Variants in UFSP2 observed in about 807,000 individuals in gnomAD.
UFSP2 encodes the protein UFM1 specific peptidase 2, also known as ufm1-specific protease 2.
In UFSP2, 43 loss-of-function variants were observed where a neutral mutation model predicts 60.2. That is an observed-to-expected ratio of 0.71 (90% CI 0.56 to 0.92). UFSP2 has a LOEUF of 0.92. Ranked by LOEUF, UFSP2 falls within the 40% of genes least tolerant of loss-of-function variation. The pLI, the probability that UFSP2 is intolerant of heterozygous loss-of-function variation, is 0.00. For synonymous variants in UFSP2, 183 were observed against 195.1 expected, an observed-to-expected ratio of 0.94 and a Z score of 0.52; for missense variants, 520 against 575.0, an observed-to-expected ratio of 0.90 and a Z score of 0.98.
chr4:185,424,233 G>A (rs2095554932), intron 1 of UFSP2, among the ~76,000 whole-genome samples: 1 of 152,044 alleles, frequency 6.6e-6, no homozygotes, highest in Non-Finnish European at 1.5e-5. Context: ...TTGGGCCGGG[G>A]AGGTCAATGC....
At chr4:185,416,021 AAGG>A (rs2095538083) in intron 4 of UFSP2, 154 bp from the exon 5 acceptor site, 1 of 548,874 alleles carries the variant, frequency 1.8e-6, no homozygotes, top group Non-Finnish European at 3.0e-6. Flanking sequence ...AGTAGAGAAC[AAGG>A]AGTTCAATCT....
intron 2 of UFSP2, 52 bp from the exon 3 acceptor site, chr4:185,418,822 G>C: frequency 7.1e-7 from 1 of 1,407,262 alleles, no homozygotes; most frequent in Non-Finnish European, 9.6e-7. Flanking sequence ...TTTTCAACAT[G>C]AATGGTTCCA....
At chr4:185,406,091 T>G in intron 9 of UFSP2, 1 of 721,814 alleles carries the variant, frequency 1.4e-6, no homozygotes, top group Non-Finnish European at 2.1e-6. Context: ...CTAAAAGACC[T>G]TGATTTTCTG....
intron 8 of UFSP2, 47 bp from the exon 9 acceptor site, chr4:185,408,107 T>G (rs2095523516): frequency 6.3e-7 from 1 of 1,595,730 alleles, no homozygotes; most frequent in Non-Finnish European, 8.6e-7. Context: ...AGACAGCTAT[T>G]AAAAACGATG....
At chr4:185,425,695 G>A (rs562335112) in intron 1 of UFSP2, among the ~76,000 whole-genome samples, 171 bp downstream of exon 1, 2 of 152,080 alleles carry the variant, frequency 1.3e-5, no homozygotes, top group East Asian at 3.9e-4. Flanking sequence ...CTTTCCCCCC[G>A]GCCCAGCGCG....
intron 1 of UFSP2, 100 bp downstream of exon 1, chr4:185,425,766 C>T: frequency 2.0e-6 from 3 of 1,531,884 alleles, no homozygotes; most frequent in Non-Finnish European, 2.7e-6. Context: ...TCTTGGACCC[C>T]GGCAGGACCA....
intron 10 of UFSP2, among the ~76,000 whole-genome samples, chr4:185,403,952 C>T (rs2095516404): frequency 8.7e-6 from 1 of 114,598 alleles, no homozygotes; most frequent in Non-Finnish European, 1.7e-5. Flanking sequence ...GCCTGGGCGA[C>T]ACAGCAAGAC....
At chr4:185,407,601 TAA>T (rs34162029) in intron 9 of UFSP2, among the ~76,000 whole-genome samples, 11,960 of 152,082 alleles carry the variant, frequency 0.079, 780 homozygotes, top group African/African-American at 0.17. Context: ...TAAGACTTTT[TAA>T]AAGATTGGAG....
At chr4:185,403,454 C>T in intron 11 of UFSP2, 40 bp downstream of exon 11, 1 of 1,602,396 alleles carries the variant, frequency 6.2e-7, no homozygotes, top group Non-Finnish European at 8.5e-7. Context: ...TTTCTAGCTT[C>T]TTTGCCTTTT....
At chr4:185,400,704 T>TA (rs971181848) in intron 11 of UFSP2, 30 of 390,794 alleles carry the variant, frequency 7.7e-5, no homozygotes, top group Non-Finnish European at 1.0e-4. Flanking sequence ...TAAAAATCAT[T>TA]AAAAAAAATT....
intron 10 of UFSP2, 71 bp from the exon 11 acceptor site, chr4:185,403,689 G>A: frequency 6.4e-7 from 1 of 1,552,752 alleles, no homozygotes. Context: ...AATTTAAATA[G>A]ACAGATTACG....
intron 1 of UFSP2, among the ~76,000 whole-genome samples, chr4:185,424,654 G>A (rs773464110): frequency 2.0e-4 from 31 of 152,050 alleles, no homozygotes; most frequent in Non-Finnish European, 3.2e-4. Context: ...TAAGAAATCA[G>A]TTAAATAAAG....
At chr4:185,406,130 G>C in intron 9 of UFSP2, 1 of 446,752 alleles carries the variant, frequency 2.2e-6, no homozygotes, top group East Asian at 5.0e-5. Flanking sequence ...GGAGGCCTGG[G>C]TTTTTAACAT....
intron 6 of UFSP2, among the ~76,000 whole-genome samples, chr4:185,414,196 G>A (rs577773597): frequency 2.5e-4 from 38 of 152,180 alleles, no homozygotes; most frequent in African/African-American, 8.9e-4. Context: ...GCTAAAGACT[G>A]GTTTTGAAAT....
intron 10 of UFSP2, among the ~76,000 whole-genome samples, chr4:185,404,397 G>A (rs1485077818): frequency 6.8e-6 from 1 of 146,858 alleles, no homozygotes; most frequent in Non-Finnish European, 1.5e-5. Context: ...CCAGGTTCAA[G>A]CAATTCTCCT....
chr4:185,407,334 G>A (rs370010845), intron 9 of UFSP2, among the ~76,000 whole-genome samples: 7 of 152,158 alleles, frequency 4.6e-5, no homozygotes, highest in Admixed American at 1.3e-4. Flanking sequence ...GATTACAGGC[G>A]TGAGCCACTG....
intron 9 of UFSP2, among the ~76,000 whole-genome samples, chr4:185,406,678 C>T (rs958465832): frequency 1.3e-5 from 2 of 152,092 alleles, no homozygotes; most frequent in South Asian, 2.1e-4. Flanking sequence ...CAGGTTCAAG[C>T]GATTCTCCTT....
At chr4:185,403,966 CA>C (rs779330516) in intron 10 of UFSP2, among the ~76,000 whole-genome samples, 11 of 85,094 alleles carry the variant, frequency 1.3e-4, no homozygotes, top group African/African-American at 1.3e-4. Flanking sequence ...GCAAGACTCT[CA>C]AAAAAAAAAA....
intron 2 of UFSP2, among the ~76,000 whole-genome samples, chr4:185,422,231 T>G (rs921710761): frequency 6.6e-6 from 1 of 152,236 alleles, no homozygotes; most frequent in Non-Finnish European, 1.5e-5. Context: ...ACATTTATTG[T>G]AACAATTAAT....
Sources: gnomAD v4.1 joint callset for allele counts (sites outside exome capture counted in the v4.1 genomes callset) on GRCh38, gnomAD v4.1.1 for gene constraint, MANE v1.5 for transcripts, NCBI Gene and HGNC (gene_info 2026-07-23, HGNC 2026-07-21) for gene names.